The following ST18 variants were observed in gnomAD, a reference collection of about 807,000 sequenced individuals.
ST18 encodes ST18 C2H2C-type zinc finger transcription factor.
Under a neutral mutation model 110.0 loss-of-function variants are expected in ST18, and 50 were observed. The observed-to-expected ratio is 0.45, with a 90% CI of 0.36 to 0.58. The LOEUF is 0.58. ST18 is among the 20% of genes least tolerant of loss of function. ST18 has a pLI of 0.00. For missense variants in ST18, 1,306 were observed against 1,280.1 expected (o/e 1.02, Z -0.31); for synonymous variants, 461 against 452.4 (o/e 1.02, Z -0.24).
intron 2 of ST18, among the ~76,000 whole-genome samples, chr8:52,327,607 C>T (rs921023258): frequency 6.6e-6 from 1 of 152,148 alleles, no homozygotes; most frequent in African/African-American, 2.4e-5. Flanking sequence ...GGCATTTTTT[C>T]TCCATATTGT....
intron 8 of ST18, chr8:52,206,400 T>C (rs1458728604): frequency 6.6e-6 from 1 of 152,272 alleles, no homozygotes; most frequent in Non-Finnish European, 1.5e-5. Flanking sequence ...TTTTTGTTTT[T>C]ATTCTTATTG....
chr8:52,395,563 C>T (rs1290955728), intron 2 of ST18, among the ~76,000 whole-genome samples: 1 of 152,114 alleles, frequency 6.6e-6, no homozygotes, highest in African/African-American at 2.4e-5. Context: ...TATAAAGCTT[C>T]CACGGTTAGA....
chr8:52,176,485 C>A (rs75352469), intron 9 of ST18, among the ~76,000 whole-genome samples: 1 of 152,194 alleles, frequency 6.6e-6, no homozygotes, highest in Non-Finnish European at 1.5e-5. Context: ...GAGGGCATAA[C>A]CAGAGGGTTA....
At chr8:52,178,296 C>T (rs2067705239) in intron 9 of ST18, among the ~76,000 whole-genome samples, 1 of 152,018 alleles carries the variant, frequency 6.6e-6, no homozygotes, top group Non-Finnish European at 1.5e-5. Flanking sequence ...AAGACTTTCC[C>T]TAATACTAGA....
chr8:52,263,829 C>T (rs575115531), intron 2 of ST18, among the ~76,000 whole-genome samples: 2 of 143,066 alleles, frequency 1.4e-5, no homozygotes, highest in African/African-American at 3.0e-5. Context: ...TCACTGCAAC[C>T]TCTGCCTCCT....
rs2133184966 is a variant in ST18, at chr8:52,161,467, G to A, written c.1502C>T (p.Pro501Leu). 1 of 1,614,136 alleles carries A rather than the reference G, an allele frequency of 6.2e-7. No homozygotes were observed. The highest frequency in any genetic ancestry group is 8.5e-7 in the Non-Finnish European group (1 of 1,180,024). Reference sequence around the variant, plus strand: ...GGCATCAAAACTGGCATAATCAAATGGTACTTTTCCAAACTTCTCTTGTTC... The same window carrying A: ...GGCATCAAAACTGGCATAATCAAATAGTACTTTTCCAAACTTCTCTTGTTC... ...SKEQEKFGKV[P>L]FDYASFDAQV... The change falls in exon 14 of 26, where the codon CCA becomes CTA. Residue 501 changes from proline to leucine, a missense_variant. Coordinates refer to ENST00000689386, the MANE Select transcript of ST18 (RefSeq NM_001352837.2).
chr8:52,134,884 T>G (rs572873793), intron 19 of ST18, among the ~76,000 whole-genome samples: 1 of 152,296 alleles, frequency 6.6e-6, no homozygotes, highest in East Asian at 1.9e-4. Context: ...GTCTCTTTGA[T>G]TTTTCTTGCA....
chr8:52,140,384 G>C (rs1586772863), intron 17 of ST18, among the ~76,000 whole-genome samples: 1 of 152,124 alleles, frequency 6.6e-6, no homozygotes, highest in Non-Finnish European at 1.5e-5. Flanking sequence ...ACAAAAATTA[G>C]CCGGGTGTGG....
At chr8:52,295,502 A>C (rs2095618828) in intron 2 of ST18, among the ~76,000 whole-genome samples, 1 of 152,122 alleles carries the variant, frequency 6.6e-6, no homozygotes, top group African/African-American at 2.4e-5. Flanking sequence ...ATTTGTATAC[A>C]GCCACAGAAT....
chr8:52,192,844 T>A (rs1012700592), intron 8 of ST18, among the ~76,000 whole-genome samples: 4 of 152,176 alleles, frequency 2.6e-5, no homozygotes, highest in Admixed American at 6.5e-5. Flanking sequence ...CTATTCAACT[T>A]TGAGCTCAGA....
At chr8:52,125,940 G>C (rs1293184240) in intron 23 of ST18, 112 bp downstream of exon 23, 2 of 826,168 alleles carry the variant, frequency 2.4e-6, no homozygotes, top group African/African-American at 3.5e-5. Context: ...CTTTCTTCTT[G>C]TACATTAAAA....
intron 2 of ST18, among the ~76,000 whole-genome samples, chr8:52,248,902 T>C (rs1012946130): frequency 6.6e-6 from 1 of 152,170 alleles, no homozygotes; most frequent in Non-Finnish European, 1.5e-5. Flanking sequence ...TGTTATTAAA[T>C]ATATATTAGG....
intron 2 of ST18, among the ~76,000 whole-genome samples, chr8:52,364,397 C>T (rs375275338): frequency 6.6e-6 from 1 of 152,298 alleles, no homozygotes; most frequent in Non-Finnish European, 1.5e-5. Context: ...GTCTTTCTCG[C>T]TGCATTCCAT....
intron 16 of ST18, among the ~76,000 whole-genome samples, chr8:52,144,224 C>T (rs1586859285): frequency 6.6e-6 from 1 of 151,890 alleles, no homozygotes; most frequent in Admixed American, 6.6e-5. Flanking sequence ...ATAATACTTT[C>T]TGGTTTTAAT....
chr8:52,153,038 G>A (rs2059195058), intron 15 of ST18, among the ~76,000 whole-genome samples: 1 of 152,204 alleles, frequency 6.6e-6, no homozygotes. Flanking sequence ...AAAAGTGATT[G>A]TAGATCCTTG....
chr8:52,154,781 AG>A (rs1342533625), intron 15 of ST18: 1 of 152,096 alleles, frequency 6.6e-6, no homozygotes, highest in Non-Finnish European at 1.5e-5. Context: ...TGGGAGGCTG[AG>A]GCAGGAGAAT....
At chr8:52,362,033 A>G (rs1371131077) in intron 2 of ST18, among the ~76,000 whole-genome samples, 2 of 152,204 alleles carry the variant, frequency 1.3e-5, no homozygotes, top group Admixed American at 6.5e-5. Flanking sequence ...CTAGTTCAAA[A>G]TTTTAAAAAC....
In ST18 at chr8:52,175,045, C is replaced by T. The variant is rs548585360; in HGVS notation, c.278-2462G>A. The stretch of plus-strand genomic sequence containing the variant: ...CTGACCTAAAAAGCCCTGTTGTTAG[C>T]ATCAGGTGGACCTAAGCTTGAGTTC... On this transcript the variant is annotated intron_variant, in intron 9 of 25. Transcript: ENST00000689386. 1.2e-4 allele frequency among the ~76,000 whole-genome samples: 18 copies of T among 152,290 alleles called. 1 individual carries two copies. The South Asian group carries it at 3.7e-3, about 32-fold the overall frequency.
At chr8:52,139,469 C>A (rs999884358) in intron 17 of ST18, among the ~76,000 whole-genome samples, 1 of 152,070 alleles carries the variant, frequency 6.6e-6, no homozygotes, top group South Asian at 2.1e-4. Flanking sequence ...GATTCTCCTG[C>A]CTCAGCCTCC....
Sources: gnomAD v4.1 joint callset for allele counts (sites outside exome capture counted in the v4.1 genomes callset) on GRCh38, gnomAD v4.1.1 for gene constraint, MANE v1.5 for transcripts, NCBI Gene and HGNC (gene_info 2026-07-23, HGNC 2026-07-21) for gene names.